SKAP1: variants seen among roughly 807,000 people sequenced by gnomAD.
The protein encoded by SKAP1 is src kinase associated phosphoprotein 1.
SKAP1 carries 44 observed loss-of-function variants against 58.5 expected under a neutral mutation model. The ratio of observed to expected loss-of-function variants is 0.75; its 90% CI spans 0.59 to 0.97. The LOEUF (loss-of-function observed/expected upper bound fraction) is 0.97. SKAP1 is among the 50% of genes least tolerant of loss of function. SKAP1 has a pLI of 0.00. For synonymous variants in SKAP1, 127 were observed against 149.7 expected (o/e 0.85, Z 1.11); for missense variants, 390 against 435.2 (o/e 0.90, Z 0.92).
chr17:48,413,523 A>AAAAAAAAATATATATATATATATATAT, intron 1 of SKAP1, among the ~76,000 whole-genome samples: 1 of 105,452 alleles, frequency 9.5e-6, no homozygotes, highest in African/African-American at 4.3e-5. Context: ...TCAAAAAAAA[A>AAAAAAAAATATATATATATATATATAT]ATATATATAT....
At chr17:48,353,813 C>T (rs1400959131) in intron 3 of SKAP1, among the ~76,000 whole-genome samples, 1 of 150,462 alleles carries the variant, frequency 6.6e-6, no homozygotes, top group East Asian at 1.9e-4. Context: ...GAGAGAATTG[C>T]TTAAAACCCA....
rs2064779533 is a variant in SKAP1, at chr17:48,204,975, TTC to T, written c.281-15477_281-15476del. ...TCCTTCCTCTTTCTTTTCTTTTCTT[TTC>T]TTTCTTTCTTTCTTTCTTTCTTTCT... On this transcript the variant is annotated intron_variant, in intron 4 of 12. Transcript: ENST00000336915. 1.0e-4 allele frequency among the ~76,000 whole-genome samples: 4 copies of T among 39,452 alleles called. No individual in the cohort carries two copies. The Admixed American group carries it at 1.1e-3, about 11-fold the overall frequency. 25.9% of individuals were successfully genotyped at this position (39,452 alleles called of 152,430 possible).
chr17:48,207,485 CAA>C (rs11367185), intron 4 of SKAP1, among the ~76,000 whole-genome samples: 83 of 103,746 alleles, frequency 8.0e-4, no homozygotes, highest in African/African-American at 9.5e-4. Flanking sequence ...GACTCTGTCT[CAA>C]AAAAAAAAAA....
intron 1 of SKAP1, among the ~76,000 whole-genome samples, chr17:48,426,131 T>C (rs572188863): frequency 6.6e-6 from 1 of 152,356 alleles, no homozygotes; most frequent in Non-Finnish European, 1.5e-5. Flanking sequence ...AATTTTACTA[T>C]ACTGAAACGG....
upstream of SKAP1, among the ~76,000 whole-genome samples, chr17:48,432,059 G>C (rs1009984464): frequency 1.8e-4 from 27 of 152,180 alleles, no homozygotes; most frequent in Admixed American, 1.4e-3. Context: ...AGTAAATTGG[G>C]GTGAGGGGAC....
intron 1 of SKAP1, among the ~76,000 whole-genome samples, chr17:48,398,830 G>C (rs1213277855): frequency 6.6e-6 from 1 of 152,100 alleles, no homozygotes; most frequent in African/African-American, 2.4e-5. Flanking sequence ...GACCATCCTG[G>C]CCAACATGGT....
At chr17:48,319,919 A>G (rs2066339602) in intron 4 of SKAP1, among the ~76,000 whole-genome samples, 2 of 152,154 alleles carry the variant, frequency 1.3e-5, no homozygotes, top group Non-Finnish European at 2.9e-5. Flanking sequence ...CTTGATAAGA[A>G]AGCTTATGAC....
intron 4 of SKAP1, among the ~76,000 whole-genome samples, chr17:48,326,984 C>G (rs1302775747): frequency 2.0e-5 from 3 of 151,468 alleles, no homozygotes. Flanking sequence ...CTCTGTCTCC[C>G]ACTTCAAGTG....
chr17:48,260,010 C>T (rs2065467664), intron 4 of SKAP1, among the ~76,000 whole-genome samples: 1 of 152,092 alleles, frequency 6.6e-6, no homozygotes, highest in Admixed American at 6.6e-5. Context: ...TGTAACCTTC[C>T]AGATCACCAT....
At chr17:48,176,415 A>G (rs2064290331) in intron 9 of SKAP1, among the ~76,000 whole-genome samples, 1 of 152,176 alleles carries the variant, frequency 6.6e-6, no homozygotes, top group African/African-American at 2.4e-5. Context: ...TGAATCATGG[A>G]GCTGGGCCTA....
chr17:48,394,320 A>G (rs1160879255), intron 2 of SKAP1, among the ~76,000 whole-genome samples: 1 of 152,052 alleles, frequency 6.6e-6, no homozygotes, highest in Non-Finnish European at 1.5e-5. Flanking sequence ...TGTATGGTTC[A>G]TGTATTTGCC....
chr17:48,170,685 G>A lies in SKAP1; in HGVS notation c.827-26C>T, dbSNP rs974862016. On this transcript the variant is annotated intron_variant, in intron 9 of 12. Transcript: ENST00000336915. Reference sequence around the variant, plus strand: ...CTGGGGGGATAAATGATCAGTATTAGCAATTAGTGGTTCACAGTCTCATGT... The same window carrying A: ...CTGGGGGGATAAATGATCAGTATTAACAATTAGTGGTTCACAGTCTCATGT... 1.1e-5 allele frequency: 18 copies of A among 1,582,206 alleles called. No individual in the cohort carries two copies. In the Admixed American group the frequency reaches 3.0e-4, roughly 27 times the overall value.
chr17:48,323,103 A>T (rs776102599), intron 4 of SKAP1, among the ~76,000 whole-genome samples: 3 of 152,006 alleles, frequency 2.0e-5, no homozygotes, highest in Non-Finnish European at 4.4e-5. Flanking sequence ...CTCAAAAACA[A>T]AAACAAAAAA....
chr17:48,381,590 A>AAAATT (rs1333288488), intron 2 of SKAP1, among the ~76,000 whole-genome samples: 1 of 152,240 alleles, frequency 6.6e-6, no homozygotes, highest in Non-Finnish European at 1.5e-5. Flanking sequence ...AAAATAAAAT[A>AAAATT]AAATATGGCC....
chr17:48,256,713 A>G (rs2065427297), intron 4 of SKAP1, among the ~76,000 whole-genome samples: 1 of 152,068 alleles, frequency 6.6e-6, no homozygotes, highest in South Asian at 2.1e-4. Context: ...ATGAAAGGAG[A>G]GAAGGAAGGT....
intron 4 of SKAP1, chr17:48,295,580 T>TCA (rs2065957170): frequency 1.3e-5 from 2 of 152,046 alleles, no homozygotes; most frequent in Non-Finnish European, 2.9e-5. Flanking sequence ...AGGAAATGTC[T>TCA]TCAGTTTCCA....
At chr17:48,384,472 A>C (rs558293566) in intron 2 of SKAP1, among the ~76,000 whole-genome samples, 1 of 152,322 alleles carries the variant, frequency 6.6e-6, no homozygotes, top group East Asian at 1.9e-4. Context: ...GTCTGAAGAC[A>C]GGAGATTCTA....
chr17:48,353,676 A>T (rs981041937), intron 3 of SKAP1, among the ~76,000 whole-genome samples: 7 of 152,084 alleles, frequency 4.6e-5, no homozygotes, highest in African/African-American at 1.7e-4. Context: ...CAGGTGAATC[A>T]CCTGAGGTCA....
intron 4 of SKAP1, among the ~76,000 whole-genome samples, chr17:48,244,137 G>GT (rs1362752840): frequency 2.6e-5 from 4 of 152,164 alleles, no homozygotes; most frequent in Non-Finnish European, 5.9e-5. Flanking sequence ...AGCTAATGTG[G>GT]TTCTGCTTTC....
Sources: gnomAD v4.1 joint callset for allele counts (sites outside exome capture counted in the v4.1 genomes callset) on GRCh38, gnomAD v4.1.1 for gene constraint, MANE v1.5 for transcripts, NCBI Gene and HGNC (gene_info 2026-07-23, HGNC 2026-07-21) for gene names.